Variants in APOB observed in about 807,000 individuals in gnomAD.
APOB encodes apolipoprotein B.
In APOB, 153 loss-of-function variants were observed where a neutral mutation model predicts 314.1. That is an observed-to-expected ratio of 0.49 (90% confidence interval 0.43 to 0.56). The LOEUF is 0.56. APOB is among the 20% of genes least tolerant of loss of function. The pLI is 0.00. For missense variants in APOB, 5,430 were observed against 5,350.7 expected, an observed-to-expected ratio of 1.01 and a Z score of -0.46; for synonymous variants, 2,087 against 2,036.4, an observed-to-expected ratio of 1.02 and a Z score of -0.67.
chr2:21,007,589 G>A lies in APOB; in HGVS notation c.9279C>T (p.Phe3093=). 6.2e-7 allele frequency: 1 copy of A among 1,614,066 alleles called. No homozygotes were observed. Among genetic ancestry groups the A allele is most frequent in the Admixed American group, 1.7e-5 (1 of 60,010 alleles). The change falls in exon 26 of 29, where the codon TTC becomes TTT. Residue 3093 remains phenylalanine, a synonymous_variant. Transcript: ENST00000233242. Reference sequence around the variant, plus strand: ...AATTTTGGTTGTACTTATACTGATTGAACCTAGCACTTACTTGCCAACTTG... The same window carrying A: ...AATTTTGGTTGTACTTATACTGATTAAACCTAGCACTTACTTGCCAACTTG... ...QQASWQVSAR[F]NQYKYNQNFS...
intron 7 of APOB, 100 bp from the exon 8 acceptor site, chr2:21,035,001 C>G: frequency 1.3e-6 from 1 of 783,166 alleles, no homozygotes; most frequent in South Asian, 1.4e-5. Context: ...CAAGTCCTGC[C>G]CATCTTTCAA....
intron 3 of APOB, among the ~76,000 whole-genome samples, chr2:21,041,331 C>T (rs1664128131): frequency 6.6e-6 from 1 of 152,202 alleles, no homozygotes; most frequent in African/African-American, 2.4e-5. Context: ...TGCCCCTAGG[C>T]ATGGGAAGGA....
chr2:21,025,064 C>G lies in APOB; in HGVS notation c.2305G>C (p.Glu769Gln), dbSNP rs1440436759. The G allele has an allele frequency of 6.2e-7, 1 of 1,614,242 alleles. No homozygotes were observed. Among genetic ancestry groups the G allele is most frequent in the Non-Finnish European group, 8.5e-7 (1 of 1,180,044 alleles). Reference protein sequence around the residue: ...EKLIKDLKSKEVPEARAYLRI... With the variant: ...EKLIKDLKSKQVPEARAYLRI... ...AGGTAGGCTCTGGCTTCCGGGACTT[C>G]TTTGGATTTCAAATCTTTAATCAGC... The change falls in exon 16 of 29, where the codon GAA becomes CAA. Residue 769 changes from glutamate to glutamine, a missense_variant. Physicochemically the swap from Glu to Gln is conservative, Grantham distance 29. Around this residue, in one of 3 missense-constraint regions of APOB, gnomAD observed 2,085 missense variants for 2,079.7 expected, o/e 1.00. Coordinates refer to ENST00000233242, the MANE Select transcript of APOB (RefSeq NM_000384.3).
chr2:21,034,967 G>C (rs1558575003), intron 7 of APOB, 66 bp from the exon 8 acceptor site: 5 of 863,050 alleles, frequency 5.8e-6, no homozygotes, highest in Non-Finnish European at 1.0e-5. Context: ...CATGTTGAAG[G>C]TTTTCCCTGT....
intron 16 of APOB, chr2:21,024,511 T>G: frequency 3.4e-6 from 1 of 294,998 alleles, no homozygotes; most frequent in Non-Finnish European, 6.2e-6. Context: ...CCCAGCTACT[T>G]GGGAGGCTGA....
rs199668351 is a variant in APOB at position 21,003,112 on chromosome 2, G to T, written c.12310C>A (p.Leu4104Met). Reference protein sequence around the residue: ...GLTLREVSSKLRRNLQNNAEW... With the variant: ...GLTLREVSSKMRRNLQNNAEW... ...GCATTGTTCTGCAGATTTCTTCTCA[G>T]CTTTGAAGACACTTCTCTCAGGGTG... Residue 4104 changes from leucine (L) to methionine (M), a missense_variant, in exon 29 of 29, where the codon CTG becomes ATG. Transcript: ENST00000233242. 567 of 1,603,138 alleles carry T rather than the reference G, an allele frequency of 3.5e-4. 12 individuals are homozygous for T. In the South Asian group the frequency reaches 5.9e-3, roughly 17 times the overall value.
intron 5 of APOB, 41 bp downstream of exon 5, chr2:21,037,917 G>A: frequency 1.2e-6 from 2 of 1,612,160 alleles, no homozygotes; most frequent in Non-Finnish European, 1.7e-6. Context: ...ACATGAAGAT[G>A]AGTTTCAAGG....
Position 21,006,422 on chromosome 2 carries a change from G to T in APOB, c.10446C>A (p.Ser3482Arg), listed in dbSNP as rs777249279. Reference protein sequence around the residue: ...TAKGAVDHKLSLESLTSYFSI... With the variant: ...TAKGAVDHKLRLESLTSYFSI... ...AAAAGTAAGAGGTGAGGCTTTCCAA[G>T]CTAAGCTTGTGGTCAACTGCTCCTT... Residue 3482 changes from serine to arginine, a missense_variant, in exon 26 of 29, where the codon AGC (serine) becomes AGA (arginine). Coordinates refer to ENST00000233242, the MANE Select transcript of APOB (RefSeq NM_000384.3). 9.9e-6 allele frequency: 16 copies of T among 1,613,954 alleles called. No individual in the cohort carries two copies. Among genetic ancestry groups the T allele is most frequent in the African/African-American group, 1.3e-5 (1 of 74,912 alleles).
Position 21,009,932 on chromosome 2 carries a change from G to A in APOB, c.6936C>T (p.Asp2312=), listed in dbSNP as rs1041968. 0.46 allele frequency: 740,610 copies of A among 1,613,400 alleles called. 181,005 individuals carry two copies. The highest frequency in any genetic ancestry group is 0.52 in the Non-Finnish European group (608,672 of 1,179,572). ...GTTISFERIN[D]ILEHVKHFVI... ...CAAAGTGTTTGACATGCTCAAGAAT[G>A]TCATTTATTCTTTCAAATGAAATTG... The change falls in exon 26 of 29, where the codon GAC becomes GAT. Residue 2312 remains aspartate, a synonymous_variant. Transcript: ENST00000233242.
At position 21,028,506 on chromosome 2, in the gene APOB, A is replaced by C; in HGVS notation, c.1650T>G (p.Asp550Glu). 6.2e-7 allele frequency: 1 copy of C among 1,613,660 alleles called. No homozygotes were observed. Among genetic ancestry groups the C allele is most frequent in the Non-Finnish European group, 8.5e-7 (1 of 1,179,990 alleles). Residue 550 changes from aspartate (D) to glutamate (E), a missense_variant, in exon 13 of 29, where the codon GAT (aspartate) becomes GAG (glutamate). This residue lies in a region of APOB where 2,085 missense variants were observed against 2,079.7 expected (regional missense o/e 1.00). Coordinates refer to ENST00000233242, the MANE Select transcript of APOB (RefSeq NM_000384.3). ...DQEVLLQTFL[D>E]DASPGDKRLA... ...GTCGCTTATCTCCCGGAGAAGCATC[A>C]TCAAGGAAAGTCTGAAGAAGAACCT...
chr2:21,021,906 C>G (rs964793711), intron 18 of APOB, among the ~76,000 whole-genome samples: 6 of 152,136 alleles, frequency 3.9e-5, no homozygotes, highest in African/African-American at 1.4e-4. Context: ...GGTCAGGGAC[C>G]TTGTGTGTCT....
intron 4 of APOB, among the ~76,000 whole-genome samples, chr2:21,039,981 C>T (rs1057491077): frequency 3.9e-5 from 6 of 152,190 alleles, no homozygotes; most frequent in African/African-American, 1.2e-4. Context: ...ACCCAAATTT[C>T]GTCTCGTAGC....
chr2:21,043,921 G>GCAGCGCCAA lies in APOB; in HGVS notation c.24_25insTTGGCGCTG (p.Leu12_Leu14dup). 1 of 1,406,154 alleles carries GCAGCGCCAA rather than the reference G, an allele frequency of 7.1e-7. No homozygotes were observed. The highest frequency in any genetic ancestry group is 1.5e-5 in the South Asian group (1 of 67,696). The allele number at this position is 1,406,154 out of a possible 1,614,324, so 87.1% of individuals were successfully genotyped here. A position where few individuals can be genotyped will look rare whatever the true frequency, so the allele number is the denominator to read the frequency against. ...AGCGCAGGCAGCGCCAGCAGCGCCA[G>GCAGCGCCAA]CAGCGCGGGCCTCGGCGGGTCCATC... On this transcript the variant is annotated inframe_insertion, in exon 1 of 29. Transcript: ENST00000233242.
Position 21,012,104 on chromosome 2 carries a change from A to C in APOB, c.4764T>G (p.Asp1588Glu), listed in dbSNP as rs1324040489. The change falls in exon 26 of 29, where the codon GAT becomes GAG. Residue 1588 changes from aspartate to glutamate, a missense_variant. Coordinates refer to ENST00000233242, the MANE Select transcript of APOB (RefSeq NM_000384.3). ...GTGCATTTTGCTTAGAGAAGGTCAT[A>C]TCCATCTTGTTAGAAGTGGCAAAGT... ...YKNFATSNKM[D>E]MTFSKQNALL... is the part of the protein sequence containing the mutation. 2 of 1,612,350 alleles carry C rather than the reference A, an allele frequency of 1.2e-6. No homozygotes were observed. Among genetic ancestry groups the C allele is most frequent in the Non-Finnish European group, 1.7e-6 (2 of 1,178,914 alleles).
In APOB at chr2:21,009,473, T is replaced by C; in HGVS notation, c.7395A>G (p.Ala2465=). The change falls in exon 26 of 29, where the codon GCA becomes GCG. Residue 2465 remains alanine (A), a synonymous_variant. Transcript: ENST00000233242. ...QALELPQKAE[A]LKLFLEETKA... Reference sequence around the variant, plus strand: ...TGGTTTCCTCTAAAAACAGTTTTAATGCTTCAGCTTTTTGTGGTAGTTCCA... The same window carrying C: ...TGGTTTCCTCTAAAAACAGTTTTAACGCTTCAGCTTTTTGTGGTAGTTCCA... 6.2e-7 allele frequency: 1 copy of C among 1,614,152 alleles called. No homozygotes were observed. The highest frequency in any genetic ancestry group is 8.5e-7 in the Non-Finnish European group (1 of 1,179,990).
chr2:21,009,257 A>T lies in APOB; in HGVS notation c.7611T>A (p.Ser2537=), dbSNP rs1663238899. 2 of 1,614,116 alleles carry T rather than the reference A, an allele frequency of 1.2e-6. No homozygotes were observed. The highest frequency in any genetic ancestry group is 3.3e-5 in the Admixed American group (2 of 60,012). ...DIQQELQRYL[S]LVGQVYSTLV... ...GTGTGCTATAAACCTGGCCTACCAG[A>T]GACAGGTATCGTTGAAGTTCCTGCT... is the stretch of plus-strand genomic sequence containing the variant. The change falls in exon 26 of 29, where the codon TCT becomes TCA. Residue 2537 remains serine, a synonymous_variant. Coordinates refer to ENST00000233242, the MANE Select transcript of APOB (RefSeq NM_000384.3).
At chr2:21,026,684 C>A in intron 15 of APOB, 104 bp downstream of exon 15, 1 of 964,610 alleles carries the variant, frequency 1.0e-6, no homozygotes, top group Non-Finnish European at 1.7e-6. Flanking sequence ...CCATAGTTAT[C>A]CCTTCAGTTA....
chr2:21,005,154 T>C lies in APOB; in HGVS notation c.11714A>G (p.Lys3905Arg). ...CAGGACTGTTTCAACATAATCTGCT[T>C]TGTTTTTCAAACTGGCACTCCAAGT... ...NATWSASLKNKADYVETVLDS... is the reference protein window; with the variant it reads ...NATWSASLKNRADYVETVLDS... The change falls in exon 26 of 29, where the codon AAA becomes AGA. Residue 3905 changes from lysine (K) to arginine (R), a missense_variant. Around this residue, in one of 3 missense-constraint regions of APOB, gnomAD observed 3,281 missense variants for 3,171.0 expected, o/e 1.03. Transcript: ENST00000233242. 6.2e-7 allele frequency: 1 copy of C among 1,614,092 alleles called. No individual in the cohort carries two copies. Among genetic ancestry groups the C allele is most frequent in the Non-Finnish European group, 8.5e-7 (1 of 1,179,952 alleles).
chr2:21,010,137 C>T lies in APOB; in HGVS notation c.6731G>A (p.Ser2244Asn), dbSNP rs146333152. ...ENIDFNKSGSSTASWIQNVDT... is the reference protein window; with the variant it reads ...ENIDFNKSGSNTASWIQNVDT... ...CACATTTTGAATCCAGGATGCAGTA[C>T]TACTTCCACTTTTGTTAAAATCAAT... Residue 2244 changes from serine to asparagine, a missense_variant, in exon 26 of 29, where the codon AGT (serine) becomes AAT (asparagine). Physicochemically the swap from Ser to Asn is conservative, Grantham distance 46. This residue lies in a region of APOB where 3,281 missense variants were observed against 3,171.0 expected (regional missense o/e 1.03). Transcript: ENST00000233242. 7 of 1,607,768 alleles carry T rather than the reference C, an allele frequency of 4.4e-6. No individual in the cohort carries two copies. The African/African-American group carries it at 6.7e-5, about 15-fold the overall frequency.
Sources: gnomAD v4.1 joint callset for allele counts (sites outside exome capture counted in the v4.1 genomes callset) on GRCh38, gnomAD v4.1.1 for gene constraint, gnomAD v4.1.1 regional missense constraint, MANE v1.5 for transcripts, NCBI Gene and HGNC (gene_info 2026-07-23, HGNC 2026-07-21) for gene names.